Variants in DNAJC1 observed in about 807,000 individuals in gnomAD.
DNAJC1 encodes the protein DnaJ heat shock protein family (Hsp40) member C1, also known as dnaJ homolog subfamily C member 1.
A neutral mutation model predicts 76.6 loss-of-function variants in DNAJC1; 58 were observed. That is an observed-to-expected ratio of 0.76 (90% CI 0.61 to 0.94). The LOEUF is 0.94. DNAJC1 is among the 40% of genes least tolerant of loss of function. The pLI is 0.00. For missense variants in DNAJC1, 689 were observed against 677.3 expected (o/e 1.02, Z -0.19); for synonymous variants, 258 against 267.9 (o/e 0.96, Z 0.36).
At chr10:21,858,773 C>T (rs779376785) in intron 8 of DNAJC1, among the ~76,000 whole-genome samples, 1 of 152,064 alleles carries the variant, frequency 6.6e-6, no homozygotes, top group Admixed American at 6.6e-5. Context: ...ACTAGGTCAC[C>T]AGGGAGGAAA....
At position 21,894,083 on chromosome 10, in the gene DNAJC1, A is replaced by G. The variant is rs574357728; in HGVS notation, c.820+10439T>C. 2.8e-4 allele frequency among the ~76,000 whole-genome samples: 43 copies of G among 152,360 alleles called. No individual in the cohort carries two copies. In the South Asian group the frequency reaches 8.9e-3, roughly 32 times the overall value. On this transcript the variant is annotated intron_variant, in intron 7 of 11. Coordinates refer to ENST00000376980, the MANE Select transcript of DNAJC1 (RefSeq NM_022365.4). Reference sequence around the variant, plus strand: ...ACCAATTGCTCAAAAAACACAAACTATCTCAATTCACTCATGAAACAGATA... The same window carrying G: ...ACCAATTGCTCAAAAAACACAAACTGTCTCAATTCACTCATGAAACAGATA...
chr10:21,780,428 G>A (rs1834512360), intron 9 of DNAJC1, among the ~76,000 whole-genome samples: 1 of 152,132 alleles, frequency 6.6e-6, no homozygotes. Flanking sequence ...AGAAGACAGT[G>A]GGGGCCAATA....
At chr10:21,790,010 T>TAAAAAAAAAAAAAAAAAAAAAAAAAA (rs35639440) in intron 9 of DNAJC1, among the ~76,000 whole-genome samples, 9 of 41,092 alleles carry the variant, frequency 2.2e-4, no homozygotes, top group African/African-American at 4.8e-4. Context: ...GCTCTGTCTT[T>TAAAAAAAAAAAAAAAAAAAAAAAAAA]AAAAAAAAAA....
At chr10:21,945,966 T>C (rs1837497777) in intron 1 of DNAJC1, among the ~76,000 whole-genome samples, 1 of 152,144 alleles carries the variant, frequency 6.6e-6, no homozygotes, top group South Asian at 2.1e-4. Context: ...TAACTGATAA[T>C]TTAGTAATTT....
chr10:21,818,481 A>G (rs561226158), intron 8 of DNAJC1, among the ~76,000 whole-genome samples: 1 of 152,228 alleles, frequency 6.6e-6, no homozygotes, highest in Non-Finnish European at 1.5e-5. Flanking sequence ...ATATTCTATT[A>G]CCTTGTGAAG....
chr10:21,824,401 C>A (rs1050718564), intron 8 of DNAJC1, among the ~76,000 whole-genome samples: 9 of 152,042 alleles, frequency 5.9e-5, no homozygotes, highest in Non-Finnish European at 8.8e-5. Flanking sequence ...TACAAACATG[C>A]GGTGAATAAC....
At chr10:21,764,351 G>C (rs903081341) in intron 10 of DNAJC1, among the ~76,000 whole-genome samples, 2 of 152,096 alleles carry the variant, frequency 1.3e-5, no homozygotes, top group African/African-American at 2.4e-5. Context: ...AACAACAATT[G>C]GTAGGTTACA....
chr10:21,993,537 G>A (rs540102598), intron 1 of DNAJC1, among the ~76,000 whole-genome samples: 1 of 152,244 alleles, frequency 6.6e-6, no homozygotes, highest in African/African-American at 2.4e-5. Context: ...TATGCCTACA[G>A]TTGTGAAAAT....
intron 9 of DNAJC1, among the ~76,000 whole-genome samples, chr10:21,782,416 A>G (rs976790574): frequency 2.0e-5 from 3 of 152,198 alleles, no homozygotes; most frequent in Non-Finnish European, 4.4e-5. Flanking sequence ...ACCAACCAAA[A>G]AAAGTCCAGG....
At chr10:21,898,303 T>A (rs1836579006) in intron 7 of DNAJC1, among the ~76,000 whole-genome samples, 1 of 152,214 alleles carries the variant, frequency 6.6e-6, no homozygotes. Flanking sequence ...AACTGAAATA[T>A]AATCATGTAC....
intron 8 of DNAJC1, among the ~76,000 whole-genome samples, chr10:21,810,894 T>TA (rs1834952982): frequency 6.6e-6 from 1 of 152,206 alleles, no homozygotes; most frequent in South Asian, 2.1e-4. Context: ...ATTTTGGTAT[T>TA]ATAGATTTGG....
intron 9 of DNAJC1, among the ~76,000 whole-genome samples, chr10:21,786,425 G>A (rs1032709123): frequency 1.1e-5 from 1 of 91,374 alleles, no homozygotes; most frequent in Non-Finnish European, 2.0e-5. Flanking sequence ...TTTTAAAATG[G>A]GAATATATAT....
At chr10:21,934,163 A>G (rs1056512915) in intron 1 of DNAJC1, among the ~76,000 whole-genome samples, 2 of 152,082 alleles carry the variant, frequency 1.3e-5, no homozygotes, top group Non-Finnish European at 2.9e-5. Context: ...GATCCTGTGT[A>G]GGCCTAAGCT....
intron 1 of DNAJC1, among the ~76,000 whole-genome samples, chr10:21,944,690 T>C (rs1837475016): frequency 6.6e-6 from 1 of 152,118 alleles, no homozygotes; most frequent in African/African-American, 2.4e-5. Flanking sequence ...GAATCGAGTG[T>C]AAAAAAATGT....
At chr10:21,901,887 A>G (rs1204340231) in intron 7 of DNAJC1, among the ~76,000 whole-genome samples, 1 of 152,214 alleles carries the variant, frequency 6.6e-6, no homozygotes, top group East Asian at 1.9e-4. Flanking sequence ...TGAAATGCAC[A>G]TTGGGGGATT....
chr10:21,963,531 G>A (rs1837837731), intron 1 of DNAJC1, among the ~76,000 whole-genome samples: 1 of 152,156 alleles, frequency 6.6e-6, no homozygotes, highest in South Asian at 2.1e-4. Flanking sequence ...AAACTATTAT[G>A]TAAAAATCTG....
At chr10:21,908,489 T>TG (rs55980435) in intron 6 of DNAJC1, among the ~76,000 whole-genome samples, 23,148 of 136,828 alleles carry the variant, frequency 0.17, 3,314 homozygotes, top group African/African-American at 0.39. Flanking sequence ...CCATTTTTCA[T>TG]GGGGGGGGGG....
intron 6 of DNAJC1, among the ~76,000 whole-genome samples, chr10:21,916,418 G>C (rs1414589446): frequency 2.0e-5 from 3 of 152,186 alleles, no homozygotes. Flanking sequence ...GAACCCGGGA[G>C]GCGGAGCTTG....
intron 1 of DNAJC1, among the ~76,000 whole-genome samples, chr10:21,953,426 ATACT>A (rs1158428674): frequency 2.0e-5 from 3 of 152,046 alleles, no homozygotes; most frequent in East Asian, 1.9e-4. Context: ...AAAATGTAAG[ATACT>A]TAAATAGCCA....
Sources: gnomAD v4.1 joint callset for allele counts (sites outside exome capture counted in the v4.1 genomes callset) on GRCh38, gnomAD v4.1.1 for gene constraint, MANE v1.5 for transcripts, NCBI Gene and HGNC (gene_info 2026-07-23, HGNC 2026-07-21) for gene names.